ZSWIM6: variants seen among roughly 807,000 people sequenced by gnomAD.
The protein encoded by ZSWIM6 is zinc finger SWIM domain-containing protein 6.
Under a neutral mutation model 113.2 loss-of-function variants are expected in ZSWIM6, and 9 were observed. The ratio of observed to expected loss-of-function variants is 0.08; its 90% CI spans 0.05 to 0.14. The LOEUF is 0.14. Among genes scored for constraint, ZSWIM6 ranks in the 10% least tolerant of loss-of-function variants. ZSWIM6 has a pLI of 1.00. For missense variants in ZSWIM6, 1,162 were observed against 1,552.2 expected (o/e 0.75, Z 4.22); for synonymous variants, 611 against 606.5 (o/e 1.01, Z -0.11).
intron 1 of ZSWIM6, among the ~76,000 whole-genome samples, chr5:61,372,398 G>C (rs527558218): frequency 6.6e-6 from 1 of 151,898 alleles, no homozygotes; most frequent in East Asian, 1.9e-4. Flanking sequence ...CACTGAACCT[G>C]CTAAAGATGC....
chr5:61,543,560 T>C lies in ZSWIM6; in HGVS notation c.2891T>C (p.Val964Ala). The change falls in exon 14 of 14, where the codon GTC becomes GCC. Residue 964 changes from valine to alanine, a missense_variant. Physicochemically the swap from Val to Ala is moderately conservative, Grantham distance 64 (BLOSUM62 0). Transcript: ENST00000252744. This position sits in a 1 kb window ranked among gnomAD's most constrained non-coding sequence, Gnocchi z 4.3. ...ACCGTGATGTCCAACAGCACCATCG[T>C]CCGCCTCCACCTGGACTGCCACCAG... ...ATTVMSNSTI[V>A]RLHLDCHQQE... 2.6e-6 allele frequency: 4 copies of C among 1,551,514 alleles called. No individual in the cohort carries two copies. Among genetic ancestry groups the C allele is most frequent in the Non-Finnish European group, 3.5e-6 (4 of 1,146,984 alleles).
chr5:61,391,400 G>A (rs1403285367), intron 1 of ZSWIM6: 1 of 900,470 alleles, frequency 1.1e-6, no homozygotes, highest in African/African-American at 1.6e-5. Context: ...CAGATGACTT[G>A]GCGGTACTTC....
chr5:61,412,028 G>A (rs1746157870), intron 1 of ZSWIM6, among the ~76,000 whole-genome samples: 1 of 152,146 alleles, frequency 6.6e-6, no homozygotes, highest in African/African-American at 2.4e-5. Context: ...TTTAATTTCA[G>A]CCCACAAGAA....
At chr5:61,497,671 A>T (rs1237324944) in intron 4 of ZSWIM6, among the ~76,000 whole-genome samples, 1 of 152,150 alleles carries the variant, frequency 6.6e-6, no homozygotes, top group African/African-American at 2.4e-5. Context: ...CTTTCTCTAC[A>T]TGGTGTTTAT....
chr5:61,416,162 C>G (rs1416916136), intron 1 of ZSWIM6, among the ~76,000 whole-genome samples: 2 of 152,142 alleles, frequency 1.3e-5, no homozygotes, highest in Non-Finnish European at 2.9e-5. Context: ...CTGAATTAAT[C>G]CAGATTCTTG....
chr5:61,435,903 T>A (rs1746695683), intron 1 of ZSWIM6, among the ~76,000 whole-genome samples: 1 of 152,180 alleles, frequency 6.6e-6, no homozygotes, highest in South Asian at 2.1e-4. Flanking sequence ...GTTATAATTT[T>A]AAAATTTTAG....
chr5:61,410,706 T>G (rs1251992589), intron 1 of ZSWIM6, among the ~76,000 whole-genome samples: 1 of 152,202 alleles, frequency 6.6e-6, no homozygotes, highest in Non-Finnish European at 1.5e-5. Context: ...AGAATAATTT[T>G]AAGAGTACAG....
intron 1 of ZSWIM6, among the ~76,000 whole-genome samples, chr5:61,409,087 TTTTTTTTC>T (rs1746103768): frequency 8.4e-6 from 1 of 119,046 alleles, no homozygotes; most frequent in African/African-American, 3.9e-5. Context: ...TTTTTTTTTT[TTTTTTTTC>T]CCGTTTTTGA....
At chr5:61,344,833 T>A (rs1210888569) in intron 1 of ZSWIM6, among the ~76,000 whole-genome samples, 3 of 152,254 alleles carry the variant, frequency 2.0e-5, no homozygotes, top group Non-Finnish European at 2.9e-5. Flanking sequence ...AACTTTCAGA[T>A]ATCAAACAAA....
intron 4 of ZSWIM6, among the ~76,000 whole-genome samples, chr5:61,512,139 T>A (rs527325049): frequency 2.6e-5 from 4 of 152,218 alleles, no homozygotes; most frequent in East Asian, 1.9e-4. Context: ...GCTGTCCCAG[T>A]CCCTAGCAAC....
In ZSWIM6 at chr5:61,535,610, G is replaced by C; in HGVS notation, c.2372G>C (p.Arg791Thr). 1 of 1,551,134 alleles carries C rather than the reference G, an allele frequency of 6.4e-7. No individual in the cohort carries two copies. Among genetic ancestry groups the C allele is most frequent in the South Asian group, 1.2e-5 (1 of 84,064 alleles). The change falls in exon 10 of 14, where the codon AGA becomes ACA. Residue 791 changes from arginine (R) to threonine (T), a missense_variant. Physicochemically the swap from Arg to Thr is moderately conservative, Grantham distance 71. This residue lies in a region of ZSWIM6 where 620 missense variants were observed against 804.6 expected (regional missense o/e 0.77). Coordinates refer to ENST00000252744, the MANE Select transcript of ZSWIM6 (RefSeq NM_020928.2). ...DAELAYKIAL[R>T]AMRLLVLEST... ...GAATTGGCATACAAAATTGCACTGA[G>C]AGCAATGCGGTATGTATTCACAGCC...
chr5:61,363,478 C>T (rs1220128633), intron 1 of ZSWIM6, among the ~76,000 whole-genome samples: 1 of 152,180 alleles, frequency 6.6e-6, no homozygotes, highest in African/African-American at 2.4e-5. Flanking sequence ...AACCCTTGTT[C>T]TCGGCAATCT....
chr5:61,477,394 G>A (rs1164797993), intron 2 of ZSWIM6, among the ~76,000 whole-genome samples: 1 of 152,180 alleles, frequency 6.6e-6, no homozygotes, highest in East Asian at 1.9e-4. Flanking sequence ...ATTGGATGAG[G>A]GTTGGCACAT....
At chr5:61,497,649 A>G (rs1387763035) in intron 4 of ZSWIM6, among the ~76,000 whole-genome samples, 2 of 152,186 alleles carry the variant, frequency 1.3e-5, no homozygotes, top group Admixed American at 6.6e-5. Context: ...AGTTTTTCAA[A>G]TATTAATTTT....
intron 1 of ZSWIM6, among the ~76,000 whole-genome samples, chr5:61,345,425 T>C (rs1211612912): frequency 6.6e-6 from 1 of 152,238 alleles, no homozygotes; most frequent in Non-Finnish European, 1.5e-5. Context: ...TGGATGCATA[T>C]ATGAATTTAA....
intron 4 of ZSWIM6, among the ~76,000 whole-genome samples, chr5:61,500,406 A>G (rs1368712451): frequency 6.6e-6 from 1 of 152,044 alleles, no homozygotes; most frequent in African/African-American, 2.4e-5. Context: ...GATTACAGAC[A>G]TGAGCCACCG....
intron 1 of ZSWIM6, among the ~76,000 whole-genome samples, chr5:61,463,905 G>GA (rs2112171599): frequency 6.6e-6 from 1 of 152,292 alleles, no homozygotes; most frequent in South Asian, 2.1e-4. Flanking sequence ...CTACAGAGAT[G>GA]AAAGAGCTCT....
At position 61,544,092 on chromosome 5, in the gene ZSWIM6, C is replaced by G. The variant is rs1419778004; in HGVS notation, c.3423C>G (p.Leu1141=). 2 of 1,551,824 alleles carry G rather than the reference C, an allele frequency of 1.3e-6. No homozygotes were observed. Among genetic ancestry groups the G allele is most frequent in the African/African-American group, 1.4e-5 (1 of 73,044 alleles). The change falls in exon 14 of 14, where the codon CTC becomes CTG. Residue 1141 remains leucine, a synonymous_variant. Coordinates refer to ENST00000252744, the MANE Select transcript of ZSWIM6 (RefSeq NM_020928.2). ...MSLDKAPLRQ[L]LDATIGAYIN... ...TGGACAAAGCCCCCTTGAGGCAACT[C>G]TTGGATGCCACGATCGGGGCCTACA...
intron 1 of ZSWIM6, among the ~76,000 whole-genome samples, chr5:61,378,502 C>G (rs1285409166): frequency 6.6e-6 from 1 of 151,854 alleles, no homozygotes; most frequent in Non-Finnish European, 1.5e-5. Flanking sequence ...AAATGGTAGC[C>G]TTAATTTACC....
Sources: gnomAD v4.1 joint callset for allele counts (sites outside exome capture counted in the v4.1 genomes callset) on GRCh38, gnomAD v4.1.1 for gene constraint, gnomAD v4.1.1 regional missense constraint, Gnocchi (gnomAD v3.1) non-coding constraint, MANE v1.5 for transcripts, NCBI Gene and HGNC (gene_info 2026-07-23, HGNC 2026-07-21) for gene names.